The following DBNL variants were observed in gnomAD, a reference collection of about 807,000 sequenced individuals.
DBNL encodes the protein drebrin like, also known as drebrin-like protein.
In DBNL, 35 loss-of-function variants were observed where a neutral mutation model predicts 62.2. The observed-to-expected ratio is 0.56, with a 90% CI of 0.43 to 0.75. DBNL has a LOEUF of 0.75. DBNL is among the 30% of genes least tolerant of loss of function. DBNL has a pLI of 0.00. For missense variants in DBNL, 495 were observed against 578.4 expected, an observed-to-expected ratio of 0.86 and a Z score of 1.48; for synonymous variants, 197 against 218.0, an observed-to-expected ratio of 0.90 and a Z score of 0.85.
intron 4 of DBNL, among the ~76,000 whole-genome samples, chr7:44,054,567 C>G (rs1393476440): frequency 6.6e-6 from 1 of 152,182 alleles, no homozygotes; most frequent in Non-Finnish European, 1.5e-5. Flanking sequence ...TACCTGTATA[C>G]AATGTATACG....
Position 44,065,184 on chromosome 7 carries a change from T to C in DBNL, c.*4268T>C. 6.2e-7 allele frequency: 1 copy of C among 1,613,802 alleles called. No individual in the cohort carries two copies. Among genetic ancestry groups the C allele is most frequent in the Non-Finnish European group, 8.5e-7 (1 of 1,179,928 alleles). ...GGCGGCGGGATGTCGAAGGAGCGCCTCCAGATCTTCACCTGCTCCTCCCCG... is the reference window on the plus strand; with the variant it reads ...GGCGGCGGGATGTCGAAGGAGCGCCCCCAGATCTTCACCTGCTCCTCCCCG... On this transcript the variant is annotated 3_prime_UTR_variant, in exon 13 of 13. Coordinates refer to ENST00000448521, the MANE Select transcript of DBNL (RefSeq NM_001014436.3).
Position 44,059,644 on chromosome 7 carries a change from G to T in DBNL, c.1033G>T (p.Glu345Ter). Reference protein sequence around the residue: ...EEPPEQETFYEQPPLVQQQGA... With the variant: ...EEPPEQETFY Reference sequence around the variant, plus strand: ...ACCTCCAGAGCAGGAGACCTTCTACGAGCAGCCCCCACTGGTGGGTTCCTA... The same window carrying T: ...ACCTCCAGAGCAGGAGACCTTCTACTAGCAGCCCCCACTGGTGGGTTCCTA... Residue 345 changes from glutamate (E) to a stop codon, truncating the protein, a stop_gained, in exon 11 of 13, where the codon GAG becomes TAG. Coordinates refer to ENST00000448521, the MANE Select transcript of DBNL (RefSeq NM_001014436.3). LOFTEE classifies it high-confidence loss of function. The surrounding 1 kb of genome is among the most constrained non-coding windows in gnomAD (Gnocchi z 4.1). The T allele has an allele frequency of 6.2e-7, 1 of 1,604,714 alleles. No homozygotes were observed. The highest frequency in any genetic ancestry group is 8.5e-7 in the Non-Finnish European group (1 of 1,179,250).
chr7:44,049,406 C>T (rs1585978346), intron 1 of DBNL, among the ~76,000 whole-genome samples: 1 of 152,342 alleles, frequency 6.6e-6, no homozygotes, highest in East Asian at 1.9e-4. Flanking sequence ...TCCACATCTG[C>T]CCGCCTCGGC....
At chr7:44,044,850 C>T in intron 1 of DBNL, 30 bp downstream of exon 1, 1 of 1,417,882 alleles carries the variant, frequency 7.1e-7, no homozygotes, top group Non-Finnish European at 9.2e-7. Context: ...AGGGTCGGGC[C>T]AGGGGCTGCC....
intron 1 of DBNL, among the ~76,000 whole-genome samples, chr7:44,047,830 C>T (rs1336792811): frequency 1.3e-5 from 2 of 150,758 alleles, no homozygotes; most frequent in Non-Finnish European, 3.0e-5. Context: ...TTAAAGGTGG[C>T]CTGGGGTAGA....
At chr7:44,049,912 TG>T in intron 1 of DBNL, 1 of 309,396 alleles carries the variant, frequency 3.2e-6, no homozygotes. Context: ...TAGCAGTCAT[TG>T]GGAAACTCCA....
rs997942083 is a variant in DBNL, at chr7:44,066,247, C to T, written c.*5331C>T. On this transcript the variant is annotated 3_prime_UTR_variant, in exon 13 of 13. Coordinates refer to ENST00000448521, the MANE Select transcript of DBNL (RefSeq NM_001014436.3). ...CCTCACCCAAGCCACGCTCACTCTC[C>T]TAGCCGAAACCACCTTGAAAAAGAG... is the stretch of plus-strand genomic sequence containing the variant. 2 of 155,068 alleles carry T rather than the reference C, an allele frequency of 1.3e-5. No homozygotes were observed. Among genetic ancestry groups the T allele is most frequent in the Non-Finnish European group, 2.9e-5 (2 of 69,928 alleles). 9.6% of individuals were successfully genotyped at this position (155,068 alleles called of 1,614,324 possible).
At position 44,062,124 on chromosome 7, in the gene DBNL, G is replaced by A. The variant is rs2096150443; in HGVS notation, c.*1208G>A. The A allele has an allele frequency of 6.2e-6, 1 of 160,032 alleles. No individual in the cohort carries two copies. The highest frequency in any genetic ancestry group is 5.7e-5 in the Admixed American group (1 of 17,444). 9.9% of individuals were successfully genotyped at this position (160,032 alleles called of 1,614,324 possible). A position where few individuals can be genotyped will look rare whatever the true frequency, so the allele number is the denominator to read the frequency against. ...TTGACTCAAGGTGTTACCTGCTAGT[G>A]CCTGGGGTGAAGGCTGCATGGAGCC... On this transcript the variant is annotated 3_prime_UTR_variant, in exon 13 of 13. Coordinates refer to ENST00000448521, the MANE Select transcript of DBNL (RefSeq NM_001014436.3).
rs1459693484 is a variant in DBNL, at chr7:44,060,891, C to T, written c.1268C>T (p.Ala423Val). ...GATGGCCATTTTGGCATGTTCCCTG[C>T]CAACTACGTGGAGCTCATTGAGTGA... ...GPDGHFGMFP[A>V]NYVELIE is the part of the protein sequence containing the mutation. Residue 423 changes from alanine (A) to valine (V), a missense_variant, in exon 13 of 13, where the codon GCC (alanine) becomes GTC (valine). Coordinates refer to ENST00000448521, the MANE Select transcript of DBNL (RefSeq NM_001014436.3). The surrounding 1 kb of genome is among the most constrained non-coding windows in gnomAD (Gnocchi z 6.3). 6.2e-7 allele frequency: 1 copy of T among 1,614,058 alleles called. No homozygotes were observed. Among genetic ancestry groups the T allele is most frequent in the Non-Finnish European group, 8.5e-7 (1 of 1,179,980 alleles).
Position 44,065,202 on chromosome 7 carries a change from C to T in DBNL, c.*4286C>T, listed in dbSNP as rs1462327779. 2 of 1,614,020 alleles carry T rather than the reference C, an allele frequency of 1.2e-6. No homozygotes were observed. Among genetic ancestry groups the T allele is most frequent in the South Asian group, 1.1e-5 (1 of 91,092 alleles). On this transcript the variant is annotated 3_prime_UTR_variant, in exon 13 of 13. Transcript: ENST00000448521. Reference sequence around the variant, plus strand: ...GAGCGCCTCCAGATCTTCACCTGCTCCTCCCCGTGCTTGGCGGCCGTTTCT... The same window carrying T: ...GAGCGCCTCCAGATCTTCACCTGCTTCTCCCCGTGCTTGGCGGCCGTTTCT...
At position 44,065,390 on chromosome 7, in the gene DBNL, T is replaced by A. The variant is rs745594644; in HGVS notation, c.*4474T>A. 3.1e-6 allele frequency: 5 copies of A among 1,614,110 alleles called. No individual in the cohort carries two copies. The highest frequency in any genetic ancestry group is 4.2e-6 in the Non-Finnish European group (5 of 1,180,034). On this transcript the variant is annotated 3_prime_UTR_variant, in exon 13 of 13. Coordinates refer to ENST00000448521, the MANE Select transcript of DBNL (RefSeq NM_001014436.3). The stretch of plus-strand genomic sequence containing the variant: ...GCAGATGTCAAACTCCATCTTGGCA[T>A]CCTTGATGGCCTTGGCTCCCCGCTT...
chr7:44,047,635 A>G (rs17136005), intron 1 of DBNL, among the ~76,000 whole-genome samples: 44,813 of 152,154 alleles, frequency 0.29, 7,166 homozygotes, highest in African/African-American at 0.42. Flanking sequence ...CCTGTAACTA[A>G]TAAGCAGTAG....
At chr7:44,056,254 T>TTGTA (rs35001075) in intron 4 of DBNL, among the ~76,000 whole-genome samples, 44,957 of 151,822 alleles carry the variant, frequency 0.3, 7,213 homozygotes, top group African/African-American at 0.42. Flanking sequence ...GTTTCCATTG[T>TTGTA]TGTGTCTGTG....
intron 4 of DBNL, 38 bp downstream of exon 4, chr7:44,052,979 C>T (rs2096129313): frequency 6.2e-7 from 1 of 1,600,394 alleles, no homozygotes; most frequent in Non-Finnish European, 8.5e-7. Flanking sequence ...GGGAACAGGC[C>T]TCACAGGCTT....
In DBNL at chr7:44,065,360, G is replaced by A. The variant is rs758416574; in HGVS notation, c.*4444G>A. On this transcript the variant is annotated 3_prime_UTR_variant, in exon 13 of 13. Coordinates refer to ENST00000448521, the MANE Select transcript of DBNL (RefSeq NM_001014436.3). ...GCGGATGGCCCGCTTCAGCACTGAC[G>A]TGTAGCAGATGTCAAACTCCATCTT... 32 of 1,613,798 alleles carry A rather than the reference G, an allele frequency of 2.0e-5. No homozygotes were observed. The highest frequency in any genetic ancestry group is 6.7e-5 in the African/African-American group (5 of 74,942).
At position 44,059,971 on chromosome 7, in the gene DBNL, C is replaced by G. The variant is rs1200970506; in HGVS notation, c.1048-77C>G. 2.1e-6 allele frequency: 3 copies of G among 1,452,120 alleles called. No homozygotes were observed. The African/African-American group carries it at 4.2e-5, about 20-fold the overall frequency. 90.0% of individuals were successfully genotyped at this position (1,452,120 alleles called of 1,614,324 possible). On this transcript the variant is annotated intron_variant, in intron 11 of 12. Coordinates refer to ENST00000448521, the MANE Select transcript of DBNL (RefSeq NM_001014436.3). This position sits in a 1 kb window ranked among gnomAD's most constrained non-coding sequence, Gnocchi z 4.1. ...TGCCCTCTGCGTACTCCCAGCTTGA[C>G]CTGAGCCATGTGGGGCAGAGCAGCG... is the stretch of plus-strand genomic sequence containing the variant.
At chr7:44,053,054 T>C in intron 4 of DBNL, 113 bp downstream of exon 4, 2 of 1,340,006 alleles carry the variant, frequency 1.5e-6, no homozygotes, top group Non-Finnish European at 2.1e-6. Flanking sequence ...AGTGTGCTCA[T>C]AGCTAATGCT....
At position 44,059,694 on chromosome 7, in the gene DBNL, G is replaced by A. The variant is rs774286633; in HGVS notation, c.1047+36G>A. On this transcript the variant is annotated intron_variant, in intron 11 of 12. Transcript: ENST00000448521. The surrounding 1 kb of genome is among the most constrained non-coding windows in gnomAD (Gnocchi z 4.1). ...ACACTGGGGCTGGGGCCAGGAAGGG[G>A]CTGCATACTCAGGAACACTTATCAC... 6.4e-7 allele frequency: 1 copy of A among 1,551,216 alleles called. No homozygotes were observed. Among genetic ancestry groups the A allele is most frequent in the Non-Finnish European group, 8.7e-7 (1 of 1,151,904 alleles).
chr7:44,052,086 A>C (rs1444215351), intron 3 of DBNL, 144 bp downstream of exon 3: 3 of 657,532 alleles, frequency 4.6e-6, no homozygotes, highest in Non-Finnish European at 7.9e-6. Context: ...GAATGAGCAG[A>C]ATAGTTGACA....
Sources: allele counts gnomAD v4.1 joint callset (sites outside exome capture counted in the v4.1 genomes callset), GRCh38; gene constraint gnomAD v4.1.1; non-coding constraint Gnocchi (gnomAD v3.1); transcripts MANE v1.5; gene names NCBI Gene and HGNC (gene_info 2026-07-23, HGNC 2026-07-21).